The following NR3C2 variants were observed in gnomAD, a reference collection of about 807,000 sequenced individuals.
NR3C2 encodes the protein mineralocorticoid receptor.
In NR3C2, 15 loss-of-function variants were observed where a neutral mutation model predicts 86.4. That is an observed-to-expected ratio of 0.17 (90% CI 0.12 to 0.27). NR3C2 has a LOEUF of 0.27. Ranked by LOEUF, NR3C2 falls within the 10% of genes least tolerant of loss-of-function variation. NR3C2 has a pLI of 1.00. For missense variants in NR3C2, 960 were observed against 1,195.6 expected, an observed-to-expected ratio of 0.80 and a Z score of 2.91; for synonymous variants, 458 against 450.5, an observed-to-expected ratio of 1.02 and a Z score of -0.21.
intron 4 of NR3C2, among the ~76,000 whole-genome samples, chr4:148,187,393 C>T (rs1735979290): frequency 6.6e-6 from 1 of 152,012 alleles, no homozygotes. Flanking sequence ...TTGATTATGG[C>T]CATTCTTGCA....
chr4:148,221,648 TTTG>T (rs1737851832), intron 3 of NR3C2, among the ~76,000 whole-genome samples: 1 of 152,140 alleles, frequency 6.6e-6, no homozygotes, highest in Non-Finnish European at 1.5e-5. Context: ...ATCCCAGTAC[TTTG>T]GGAGGCCGAG....
At chr4:148,265,012 C>T (rs924149363) in intron 2 of NR3C2, among the ~76,000 whole-genome samples, 4 of 152,012 alleles carry the variant, frequency 2.6e-5, no homozygotes, top group East Asian at 1.9e-4. Flanking sequence ...GAAAAAACTA[C>T]GAAAACTCAT....
At chr4:148,406,132 C>T in intron 2 of NR3C2, among the ~76,000 whole-genome samples, 1 of 152,084 alleles carries the variant, frequency 6.6e-6, no homozygotes, top group East Asian at 1.9e-4. Flanking sequence ...CACCACTGTA[C>T]TCCAGTCTGG....
intron 2 of NR3C2, among the ~76,000 whole-genome samples, chr4:148,362,256 C>A (rs2150004843): frequency 6.6e-6 from 1 of 152,204 alleles, no homozygotes; most frequent in East Asian, 1.9e-4. Flanking sequence ...GTGTTCTGTA[C>A]CATTTTAGGA....
At chr4:148,223,105 T>G (rs949908230) in intron 3 of NR3C2, among the ~76,000 whole-genome samples, 9 of 152,130 alleles carry the variant, frequency 5.9e-5, no homozygotes, top group Admixed American at 2.0e-4. Flanking sequence ...AATAGATGAA[T>G]AAAAAGGACT....
intron 8 of NR3C2, among the ~76,000 whole-genome samples, chr4:148,088,464 C>G (rs1730915281): frequency 6.6e-6 from 1 of 152,116 alleles, no homozygotes; most frequent in Non-Finnish European, 1.5e-5. Flanking sequence ...TGGAACCAAC[C>G]CAAATCCCCA....
intron 2 of NR3C2, among the ~76,000 whole-genome samples, chr4:148,364,019 T>C (rs1269383009): frequency 6.6e-6 from 1 of 152,218 alleles, no homozygotes; most frequent in Non-Finnish European, 1.5e-5. Context: ...TAGTCTTGAA[T>C]TTGAATCTAA....
At chr4:148,116,855 G>A (rs1279284507) in intron 7 of NR3C2, among the ~76,000 whole-genome samples, 2 of 152,202 alleles carry the variant, frequency 1.3e-5, no homozygotes, top group African/African-American at 4.8e-5. Flanking sequence ...CATGAATTTA[G>A]ATTGAGTAGT....
intron 2 of NR3C2, among the ~76,000 whole-genome samples, chr4:148,430,971 A>G (rs554859552): frequency 2.0e-5 from 3 of 152,338 alleles, no homozygotes; most frequent in African/African-American, 7.2e-5. Context: ...CTACCAGAAT[A>G]TGCCCTTTGA....
Position 148,410,636 on chromosome 4 carries a change from T to C in NR3C2, c.1757+24468A>G, listed in dbSNP as rs72658642. Among the ~76,000 whole-genome samples, 1,322 of 152,240 alleles carry C rather than the reference T, an allele frequency of 8.7e-3. 15 individuals carry two copies. Among genetic ancestry groups the C allele is most frequent in the African/African-American group, 0.03 (1,254 of 41,530 alleles). ...ACCTATGTACAACGGCCAGGGACCT[T>C]TCACTATAACTCAAAGAAGCAGAAT... On this transcript the variant is annotated intron_variant, in intron 2 of 8. Transcript: ENST00000358102.
intron 2 of NR3C2, among the ~76,000 whole-genome samples, chr4:148,434,196 T>C (rs72645623): frequency 0.015 from 2,237 of 152,284 alleles, 57 homozygotes; most frequent in African/African-American, 0.049. Flanking sequence ...ATTCTTTATA[T>C]AGTCCATAAA....
intron 3 of NR3C2, among the ~76,000 whole-genome samples, chr4:148,197,187 G>T (rs1231498497): frequency 6.6e-6 from 1 of 152,198 alleles, no homozygotes; most frequent in Non-Finnish European, 1.5e-5. Flanking sequence ...ATAAGACATT[G>T]AAGATGCTCT....
intron 2 of NR3C2, among the ~76,000 whole-genome samples, chr4:148,406,569 G>A (rs189392500): frequency 1.3e-5 from 2 of 152,264 alleles, no homozygotes; most frequent in African/African-American, 2.4e-5. Context: ...ACTAAGTTGT[G>A]AGAGAGGAGG....
At chr4:148,415,208 A>G in intron 2 of NR3C2, among the ~76,000 whole-genome samples, 1 of 152,236 alleles carries the variant, frequency 6.6e-6, no homozygotes, top group East Asian at 1.9e-4. Flanking sequence ...TGTCGATCTA[A>G]CCTAAGAACC....
rs1346807931 is a variant in NR3C2, at chr4:148,081,343, G to A, written c.*1C>T. ...GCAAAGTTCTTCTGGGCAGCGGGCAGTCACTTCCGGTGGAAGTAGAGCGGC... is the reference window on the plus strand; with the variant it reads ...GCAAAGTTCTTCTGGGCAGCGGGCAATCACTTCCGGTGGAAGTAGAGCGGC... On this transcript the variant is annotated 3_prime_UTR_variant, in exon 9 of 9. Transcript: ENST00000358102. 1.9e-6 allele frequency: 3 copies of A among 1,614,086 alleles called. No individual in the cohort carries two copies. The highest frequency in any genetic ancestry group is 2.5e-6 in the Non-Finnish European group (3 of 1,180,044).
chr4:148,262,495 A>G (rs6535595), intron 2 of NR3C2, among the ~76,000 whole-genome samples: 97,428 of 151,948 alleles, frequency 0.64, 31,583 homozygotes, highest in East Asian at 0.85. Flanking sequence ...GCAAAATTGC[A>G]GATCTTTCCC....
intron 8 of NR3C2, among the ~76,000 whole-genome samples, chr4:148,101,247 T>C (rs769099660): frequency 1.2e-4 from 19 of 152,212 alleles, no homozygotes; most frequent in Non-Finnish European, 2.2e-4. Flanking sequence ...CATAGTACAA[T>C]TGCATCTTAA....
intron 2 of NR3C2, among the ~76,000 whole-genome samples, chr4:148,281,646 TGAGG>T (rs1405046486): frequency 6.6e-6 from 1 of 152,260 alleles, no homozygotes; most frequent in Non-Finnish European, 1.5e-5. Context: ...TTTTGCCTCA[TGAGG>T]AGATCTAGCT....
intron 3 of NR3C2, among the ~76,000 whole-genome samples, chr4:148,258,233 A>G (rs927092646): frequency 6.6e-6 from 1 of 152,190 alleles, no homozygotes; most frequent in Non-Finnish European, 1.5e-5. Context: ...TAATTAAGTG[A>G]GCCAGAAAGA....
Sources: gnomAD v4.1 joint callset for allele counts (sites outside exome capture counted in the v4.1 genomes callset) on GRCh38, gnomAD v4.1.1 for gene constraint, MANE v1.5 for transcripts, NCBI Gene and HGNC (gene_info 2026-07-23, HGNC 2026-07-21) for gene names.